Variants in PIEZO2 observed in about 807,000 individuals in gnomAD.
The protein encoded by PIEZO2 is piezo-type mechanosensitive ion channel component 2.
PIEZO2 carries 172 observed loss-of-function variants against 337.3 expected under a neutral mutation model. The ratio of observed to expected loss-of-function variants is 0.51; its 90% CI spans 0.45 to 0.58. The LOEUF is 0.58. PIEZO2 is among the 20% of genes least tolerant of loss of function. The pLI, the probability that PIEZO2 is intolerant of heterozygous loss-of-function variation, is 0.00. For missense variants in PIEZO2, 3,028 were observed against 3,391.3 expected, an observed-to-expected ratio of 0.89 and a Z score of 2.66; for synonymous variants, 1,251 against 1,228.5, an observed-to-expected ratio of 1.02 and a Z score of -0.38.
chr18:10,997,118 A>G (rs943142681), intron 2 of PIEZO2, among the ~76,000 whole-genome samples: 2 of 152,122 alleles, frequency 1.3e-5, no homozygotes, highest in African/African-American at 4.8e-5. Flanking sequence ...TGATAATTGA[A>G]CGGTGCATGT....
Position 11,085,844 on chromosome 18 carries a change from GAA to G in PIEZO2, c.65-19624_65-19623del, listed in dbSNP as rs11356011. 2.6e-3 allele frequency among the ~76,000 whole-genome samples: 364 copies of G among 142,586 alleles called. 2 individuals are homozygous for G. Among genetic ancestry groups the G allele is most frequent in the African/African-American group, 5.5e-3 (218 of 39,336 alleles). 93.5% of individuals were successfully genotyped at this position (142,586 alleles called of 152,430 possible). On this transcript the variant is annotated intron_variant, in intron 1 of 55. Coordinates refer to ENST00000674853, the MANE Select transcript of PIEZO2 (RefSeq NM_001378183.1). ...AAAAAGTGCTACTTTGGCAAGAAAG[GAA>G]AAAAAAAAAACGGAGAGAGTGGAAG...
intron 1 of PIEZO2, among the ~76,000 whole-genome samples, chr18:11,073,633 A>G (rs969858550): frequency 1.3e-5 from 2 of 152,176 alleles, no homozygotes; most frequent in African/African-American, 4.8e-5. Flanking sequence ...ATCCAGCTTC[A>G]CTTACTTTTC....
At chr18:10,977,471 T>G (rs2034487816) in intron 3 of PIEZO2, among the ~76,000 whole-genome samples, 1 of 152,124 alleles carries the variant, frequency 6.6e-6, no homozygotes, top group South Asian at 2.1e-4. Flanking sequence ...AGTACCTTAT[T>G]AAGAAATATC....
At chr18:10,810,158 G>C (rs1167769590) in intron 7 of PIEZO2, among the ~76,000 whole-genome samples, 2 of 152,128 alleles carry the variant, frequency 1.3e-5, no homozygotes, top group Non-Finnish European at 2.9e-5. Flanking sequence ...GTTGATGGGT[G>C]GGGTGAGGAC....
Position 10,789,684 on chromosome 18 carries a change from A to G in PIEZO2, c.1883-319T>C, listed in dbSNP as rs140758892. Among the ~76,000 whole-genome samples the G allele has an allele frequency of 5.3e-5, 8 of 152,374 alleles. No individual in the cohort carries two copies. The East Asian group carries it at 1.5e-3, about 29-fold the overall frequency. ...AAAAATAAATAGGCAACAATAGCACAAATCTAAATGACTATATCAATTTCA... is the reference window on the plus strand; with the variant it reads ...AAAAATAAATAGGCAACAATAGCACGAATCTAAATGACTATATCAATTTCA... On this transcript the variant is annotated intron_variant, in intron 14 of 55. Transcript: ENST00000674853.
At chr18:11,023,926 G>A (rs1044161294) in intron 2 of PIEZO2, among the ~76,000 whole-genome samples, 1 of 152,222 alleles carries the variant, frequency 6.6e-6, no homozygotes, top group Admixed American at 6.5e-5. Context: ...CGGCAGGACT[G>A]GCCGGCCGTT....
intron 2 of PIEZO2, among the ~76,000 whole-genome samples, chr18:11,022,990 C>A (rs2036370392): frequency 6.6e-6 from 1 of 151,716 alleles, no homozygotes; most frequent in African/African-American, 2.4e-5. Flanking sequence ...GTTCTTAAGG[C>A]GGGGAGTCTG....
Position 11,129,254 on chromosome 18 carries a change from C to T in PIEZO2, c.64+19271G>A, listed in dbSNP as rs2040270050. On this transcript the variant is annotated intron_variant, in intron 1 of 55. Coordinates refer to ENST00000674853, the MANE Select transcript of PIEZO2 (RefSeq NM_001378183.1). This position sits in a 1 kb window ranked among gnomAD's most constrained non-coding sequence, Gnocchi z 4.6. ...CATCTTTGGAACCACAGTCACTCAA[C>T]TACAAAACTTAAATACAATGAGAAT... is the stretch of plus-strand genomic sequence containing the variant. Among the ~76,000 whole-genome samples, 1 of 152,144 alleles carries T rather than the reference C, an allele frequency of 6.6e-6. No homozygotes were observed. Among genetic ancestry groups the T allele is most frequent in the African/African-American group, 2.4e-5 (1 of 41,444 alleles).
At chr18:10,756,129 TGAG>T (rs942465624) in intron 27 of PIEZO2, among the ~76,000 whole-genome samples, 3 of 128,992 alleles carry the variant, frequency 2.3e-5, no homozygotes, top group African/African-American at 9.0e-5. Flanking sequence ...AGATGGAGGA[TGAG>T]GAGGAGGGAT....
chr18:10,884,867 A>G (rs1407923850), intron 4 of PIEZO2, among the ~76,000 whole-genome samples: 1 of 152,162 alleles, frequency 6.6e-6, no homozygotes. Context: ...TCACTACTAG[A>G]AGATAACAAG....
In PIEZO2 at chr18:10,859,938, G is replaced by A. The variant is rs1196823762; in HGVS notation, c.493-2727C>T. Among the ~76,000 whole-genome samples, 1 of 152,152 alleles carries A rather than the reference G, an allele frequency of 6.6e-6. No individual in the cohort carries two copies. The highest frequency in any genetic ancestry group is 1.5e-5 in the Non-Finnish European group (1 of 68,036). On this transcript the variant is annotated intron_variant, in intron 5 of 55. Coordinates refer to ENST00000674853, the MANE Select transcript of PIEZO2 (RefSeq NM_001378183.1). This position sits in a 1 kb window ranked among gnomAD's most constrained non-coding sequence, Gnocchi z 4.9. ...GGAGTCTGTTTTGGAGGTTAGATTA[G>A]TAGGTGCAGCTAGGAAGTTTAAAGT...
intron 50 of PIEZO2, 130 bp downstream of exon 50, chr18:10,681,974 A>G (rs772217577): frequency 9.9e-5 from 95 of 959,962 alleles, no homozygotes; most frequent in South Asian, 2.3e-4. Context: ...TCATACATCA[A>G]GTATTTGCTG....
chr18:10,845,603 T>C (rs2041333683), intron 7 of PIEZO2, among the ~76,000 whole-genome samples: 1 of 152,216 alleles, frequency 6.6e-6, no homozygotes, highest in South Asian at 2.1e-4. Flanking sequence ...GGGCACACTG[T>C]CTTACTAATT....
intron 2 of PIEZO2, among the ~76,000 whole-genome samples, chr18:10,992,849 T>C (rs568617764): frequency 1.6e-4 from 24 of 152,374 alleles, no homozygotes; most frequent in African/African-American, 5.8e-4. Context: ...TATTGATTCT[T>C]CCTATCCATG....
chr18:10,988,129 G>A lies in PIEZO2; in HGVS notation c.161-8469C>T, dbSNP rs1161113136. Among the ~76,000 whole-genome samples, 1 of 152,106 alleles carries A rather than the reference G, an allele frequency of 6.6e-6. No homozygotes were observed. The highest frequency in any genetic ancestry group is 1.9e-4 in the East Asian group (1 of 5,188). ...GTTGAGCTCTCAGGTATAAGATTAGGGTCTCTATAAGTGTTGAGAAAATGT... is the reference window on the plus strand; with the variant it reads ...GTTGAGCTCTCAGGTATAAGATTAGAGTCTCTATAAGTGTTGAGAAAATGT... On this transcript the variant is annotated intron_variant, in intron 2 of 55. Transcript: ENST00000674853. The surrounding 1 kb of genome is among the most constrained non-coding windows in gnomAD (Gnocchi z 4.8).
intron 45 of PIEZO2, among the ~76,000 whole-genome samples, chr18:10,696,938 G>A (rs1476268157): frequency 6.6e-6 from 1 of 152,188 alleles, no homozygotes; most frequent in African/African-American, 2.4e-5. Flanking sequence ...GTGATGAGAA[G>A]ACCTGATGCC....
intron 2 of PIEZO2, among the ~76,000 whole-genome samples, chr18:10,991,325 C>A (rs781612965): frequency 1.3e-5 from 2 of 151,882 alleles, no homozygotes; most frequent in Non-Finnish European, 2.9e-5. Context: ...TGGTTTGCTG[C>A]ATCCATCAAC....
chr18:10,716,403 A>G lies in PIEZO2; in HGVS notation c.5090-587T>C, dbSNP rs2036012801. Among the ~76,000 whole-genome samples, 3 of 152,204 alleles carry G rather than the reference A, an allele frequency of 2.0e-5. No individual in the cohort carries two copies. Among genetic ancestry groups the G allele is most frequent in the Admixed American group, 2.0e-4 (3 of 15,280 alleles). ...GCTTCCTTATATAATATGTGTATAT[A>G]GTGACATCTGATGTTCTGTGTGACA... is the stretch of plus-strand genomic sequence containing the variant. On this transcript the variant is annotated intron_variant, in intron 37 of 55. Transcript: ENST00000674853. The surrounding 1 kb of genome is among the most constrained non-coding windows in gnomAD (Gnocchi z 4.1).
chr18:10,868,718 A>T (rs537446122), intron 5 of PIEZO2, among the ~76,000 whole-genome samples: 1 of 152,350 alleles, frequency 6.6e-6, no homozygotes, highest in African/African-American at 2.4e-5. Context: ...TCCTAAATCT[A>T]TCTCTGAAAA....
Sources: allele counts gnomAD v4.1 joint callset (sites outside exome capture counted in the v4.1 genomes callset), GRCh38; gene constraint gnomAD v4.1.1; non-coding constraint Gnocchi (gnomAD v3.1); transcripts MANE v1.5; gene names NCBI Gene and HGNC (gene_info 2026-07-23, HGNC 2026-07-21).